The following PCDHA5 variants were observed in gnomAD, a reference collection of about 807,000 sequenced individuals.
PCDHA5 encodes protocadherin alpha-5.
PCDHA5 carries 43 observed loss-of-function variants against 61.6 expected under a neutral mutation model. The ratio of observed to expected loss-of-function variants is 0.70; its 90% CI spans 0.55 to 0.90. PCDHA5 has a LOEUF of 0.90. Ranked by LOEUF, PCDHA5 falls within the 40% of genes least tolerant of loss-of-function variation. The probability of loss-of-function intolerance (pLI) is 0.00; values close to 1 mark genes in which losing one functional copy is unlikely to be tolerated. For missense variants in PCDHA5, 1,298 were observed against 1,222.7 expected (o/e 1.06, Z -0.92); for synonymous variants, 627 against 543.9 (o/e 1.15, Z -2.13).
At chr5:140,857,915 G>C in intron 1 of PCDHA5, 4 of 1,597,912 alleles carry the variant, frequency 2.5e-6, no homozygotes, top group Non-Finnish European at 3.4e-6. Context: ...CCCGTTTCGC[G>C]TGGGGCTGTA....
At chr5:140,873,448 T>C (rs917341990) in intron 1 of PCDHA5, among the ~76,000 whole-genome samples, 1 of 152,206 alleles carries the variant, frequency 6.6e-6, no homozygotes, top group East Asian at 1.9e-4. Flanking sequence ...AAATAACAAA[T>C]TTGCATTTTA....
At chr5:140,830,730 G>A (rs1403638856) in intron 1 of PCDHA5, 1 of 211,824 alleles carries the variant, frequency 4.7e-6, no homozygotes, top group African/African-American at 2.3e-5. Context: ...AAATATTCTT[G>A]GATATGTCGT....
rs1554148289 is a variant in PCDHA5, at chr5:140,856,164, G to A, written c.2352+32037G>A. 5.0e-6 allele frequency: 8 copies of A among 1,598,390 alleles called. 1 individual carries two copies. Among genetic ancestry groups the A allele is most frequent in the Non-Finnish European group, 6.8e-6 (8 of 1,167,930 alleles). On this transcript the variant is annotated intron_variant, in intron 1 of 3. Coordinates refer to ENST00000529859, the MANE Select transcript of PCDHA5 (RefSeq NM_018908.3). ...CACTACTCAGTCTACGAGGAGGCCA[G>A]ACACGGCACCTTCGTGGGCCGCATC...
chr5:140,999,812 G>A (rs1305602487), intron 3 of PCDHA5, among the ~76,000 whole-genome samples: 2 of 152,270 alleles, frequency 1.3e-5, no homozygotes, highest in East Asian at 3.9e-4. Flanking sequence ...CACAAAGCAA[G>A]AGCTGTGGCT....
At chr5:140,834,558 C>G (rs2150220968) in intron 1 of PCDHA5, 1 of 1,614,104 alleles carries the variant, frequency 6.2e-7, no homozygotes, top group East Asian at 2.2e-5. Context: ...GCTGGCGGAG[C>G]TGGTGCCGCG....
chr5:140,857,554 G>T lies in PCDHA5; in HGVS notation c.2352+33427G>T, dbSNP rs782355772. On this transcript the variant is annotated intron_variant, in intron 1 of 3. Coordinates refer to ENST00000529859, the MANE Select transcript of PCDHA5 (RefSeq NM_018908.3). ...TGGAGCGGCGGTTGGGCGAGCGCTC[G>T]CTGTCGAGCTACGTGTCGGTGCACG... 1.1e-5 allele frequency: 18 copies of T among 1,596,768 alleles called. 1 individual carries two copies. Among genetic ancestry groups the T allele is most frequent in the East Asian group, 6.7e-5 (3 of 44,826 alleles).
chr5:140,973,741 G>C (rs925905924), intron 1 of PCDHA5, among the ~76,000 whole-genome samples: 1 of 152,206 alleles, frequency 6.6e-6, no homozygotes, highest in Admixed American at 6.5e-5. Context: ...GTCTAACTCA[G>C]AACACTCTGC....
intron 1 of PCDHA5, among the ~76,000 whole-genome samples, chr5:140,899,732 T>C (rs1174883648): frequency 6.6e-6 from 1 of 152,222 alleles, no homozygotes; most frequent in Non-Finnish European, 1.5e-5. Context: ...TTTCTATTGA[T>C]TGGAATAGTT....
chr5:140,861,421 T>C, intron 1 of PCDHA5: 2 of 481,940 alleles, frequency 4.1e-6, no homozygotes, highest in South Asian at 3.2e-5. Context: ...CCGCGCCTGT[T>C]TCAGTTGGAT....
At chr5:140,871,289 G>A (rs955449203) in intron 1 of PCDHA5, 1 of 1,613,792 alleles carries the variant, frequency 6.2e-7, no homozygotes, top group African/African-American at 1.3e-5. Context: ...CCCACTGAGG[G>A]CGCGTGCGCG....
chr5:140,823,200 G>A lies in PCDHA5; in HGVS notation c.1425G>A (p.Thr475=), dbSNP rs782300016. 8 of 1,613,750 alleles carry A rather than the reference G, an allele frequency of 5.0e-6. No homozygotes were observed. The highest frequency in any genetic ancestry group is 6.8e-6 in the Non-Finnish European group (8 of 1,179,840). The part of the protein sequence containing the change: ...ENNPPGCHIF[T]VSARDADAQE... ...ACCCGCCAGGCTGCCACATCTTCAC[G>A]GTGTCTGCACGGGACGCGGACGCGC... The change falls in exon 1 of 4, where the codon ACG becomes ACA. Residue 475 remains threonine, a synonymous_variant. Transcript: ENST00000529859.
intron 1 of PCDHA5, among the ~76,000 whole-genome samples, chr5:140,942,544 G>T (rs546340510): frequency 1.6e-4 from 24 of 152,000 alleles, no homozygotes; most frequent in Non-Finnish European, 2.9e-4. Context: ...TATGGTGGGG[G>T]GTAGGGGGTT....
chr5:141,003,411 G>A (rs537266386), intron 3 of PCDHA5, among the ~76,000 whole-genome samples: 4 of 152,092 alleles, frequency 2.6e-5, no homozygotes, highest in Non-Finnish European at 4.4e-5. Context: ...TCCCGGGTTC[G>A]AGTGATTCTT....
In PCDHA5 at chr5:140,856,944, G is replaced by C. The variant is rs1424566635; in HGVS notation, c.2352+32817G>C. Reference sequence around the variant, plus strand: ...AAATTTTGGATAAACGAAAGGACGGGAGAAATAAAAGTAAATGATGCTATT... The same window carrying C: ...AAATTTTGGATAAACGAAAGGACGGCAGAAATAAAAGTAAATGATGCTATT... On this transcript the variant is annotated intron_variant, in intron 1 of 3. Transcript: ENST00000529859. 8.8e-6 allele frequency: 14 copies of C among 1,593,558 alleles called. 1 individual carries two copies. The highest frequency in any genetic ancestry group is 1.3e-5 in the African/African-American group (1 of 74,212).
chr5:140,904,857 T>G (rs1223482596), intron 1 of PCDHA5, among the ~76,000 whole-genome samples: 1 of 152,190 alleles, frequency 6.6e-6, no homozygotes, highest in Non-Finnish European at 1.5e-5. Context: ...CTGAGAATTG[T>G]CTGTTTATGT....
At chr5:140,851,252 GTATTT>G (rs1434639310) in intron 1 of PCDHA5, 2 of 1,089,048 alleles carry the variant, frequency 1.8e-6, no homozygotes, top group Non-Finnish European at 2.3e-6. Context: ...ATGATGCATA[GTATTT>G]TAGTCTACTT....
chr5:140,941,227 C>CTT (rs797022976), intron 1 of PCDHA5, among the ~76,000 whole-genome samples: 1 of 136,000 alleles, frequency 7.4e-6, no homozygotes, highest in African/African-American at 2.8e-5. Context: ...TTCTTTCTTT[C>CTT]TTTCTTTCTT....
intron 1 of PCDHA5, chr5:140,851,333 T>C: frequency 5.1e-6 from 5 of 974,938 alleles, no homozygotes; most frequent in Non-Finnish European, 6.3e-6. Flanking sequence ...TTTGTAGTTC[T>C]CTACATTTCT....
At chr5:140,948,823 A>G (rs1554218722) in intron 1 of PCDHA5, among the ~76,000 whole-genome samples, 2 of 151,238 alleles carry the variant, frequency 1.3e-5, no homozygotes, top group African/African-American at 4.8e-5. Flanking sequence ...TATTTCATTA[A>G]TTTCTGCTTT....
Sources: allele counts gnomAD v4.1 joint callset (sites outside exome capture counted in the v4.1 genomes callset), GRCh38; gene constraint gnomAD v4.1.1; transcripts MANE v1.5; gene names NCBI Gene and HGNC (gene_info 2026-07-23, HGNC 2026-07-21).